The following ANP32E variants were observed in gnomAD, a reference collection of about 807,000 sequenced individuals.
The protein encoded by ANP32E is acidic nuclear phosphoprotein 32 family member E, also known as acidic leucine-rich nuclear phosphoprotein 32 family member E.
Under a neutral mutation model 35.3 loss-of-function variants are expected in ANP32E, and 14 were observed. The ratio of observed to expected loss-of-function variants is 0.40; its 90% CI spans 0.26 to 0.62. The LOEUF is 0.62. ANP32E is among the 20% of genes least tolerant of loss of function. ANP32E has a pLI of 0.45. For synonymous variants in ANP32E, 89 were observed against 110.4 expected (o/e 0.81, Z 1.22); for missense variants, 198 against 304.4 (o/e 0.65, Z 2.60).
chr1:150,234,535 T>G, intron 1 of ANP32E: 5 of 959,962 alleles, frequency 5.2e-6, no homozygotes, highest in Non-Finnish European at 6.2e-6. Context: ...CCCAGTTATA[T>G]CCTTCTATCG....
intron 6 of ANP32E, among the ~76,000 whole-genome samples, chr1:150,221,964 CCTGTA>C (rs1219085397): frequency 6.6e-6 from 1 of 151,762 alleles, no homozygotes; most frequent in African/African-American, 2.4e-5. Flanking sequence ...GTGGTGGGCA[CCTGTA>C]GTCTCAGCTA....
rs1335957586 is a variant in ANP32E, at chr1:150,223,176, T to C, written c.736+10A>G. On this transcript the variant is annotated intron_variant, in intron 6 of 6. Transcript: ENST00000583931. ...AATTTTATAATTTGTTTATGGCTAA[T>C]GTAACTCACCCTCTTCTTCCTCTTC... 10 of 1,504,668 alleles carry C rather than the reference T, an allele frequency of 6.6e-6. No homozygotes were observed. Among genetic ancestry groups the C allele is most frequent in the African/African-American group, 1.4e-5 (1 of 71,400 alleles). 93.2% of individuals were successfully genotyped at this position (1,504,668 alleles called of 1,614,324 possible). A position where few individuals can be genotyped will look rare whatever the true frequency, so the allele number is the denominator to read the frequency against.
intron 5 of ANP32E, among the ~76,000 whole-genome samples, chr1:150,225,391 C>G (rs587646239): frequency 6.6e-6 from 1 of 152,100 alleles, no homozygotes; most frequent in South Asian, 2.1e-4. Flanking sequence ...AAGCAGGGGC[C>G]GGGCACAGTG....
chr1:150,235,961 T>A lies in ANP32E; in HGVS notation c.-175A>T, dbSNP rs1553843259. On this transcript the variant is annotated 5_prime_UTR_variant, in exon 1 of 7. Transcript: ENST00000583931. The surrounding 1 kb of genome is among the most constrained non-coding windows in gnomAD (Gnocchi z 4.2). ...AGAAAGAAGAGAATAGCAAATGGAG[T>A]CCAAGAGTTGGGACTCTAACTCAGC... The A allele has an allele frequency of 1.7e-6, 1 of 602,764 alleles. No individual in the cohort carries two copies. The highest frequency in any genetic ancestry group is 1.9e-5 in the African/African-American group (1 of 53,494). 37.3% of individuals were successfully genotyped at this position (602,764 alleles called of 1,614,324 possible). A position where few individuals can be genotyped will look rare whatever the true frequency, so the allele number is the denominator to read the frequency against.
At position 150,232,467 on chromosome 1, in the gene ANP32E, C is replaced by CTTT. The variant is rs1240658324; in HGVS notation, c.55-544_55-542dup. Among the ~76,000 whole-genome samples, 26 of 141,146 alleles carry CTTT rather than the reference C, an allele frequency of 1.8e-4. 1 individual carries two copies. In the East Asian group the frequency reaches 2.5e-3, roughly 13 times the overall value. The allele number at this position is 141,146 out of a possible 152,430, so 92.6% of individuals were successfully genotyped here. A position where few individuals can be genotyped will look rare whatever the true frequency, so the allele number is the denominator to read the frequency against. ...TCACTATAAGTAATCTTTTAAATTT[C>CTTT]TTTTTTCTTTTTTTTTTTTTGTAGA... On this transcript the variant is annotated intron_variant, in intron 1 of 6. Transcript: ENST00000583931.
chr1:150,231,914 C>T lies in ANP32E; in HGVS notation c.67G>A (p.Val23Ile). 1 of 1,610,936 alleles carries T rather than the reference C, an allele frequency of 6.2e-7. No homozygotes were observed. The highest frequency in any genetic ancestry group is 8.5e-7 in the Non-Finnish European group (1 of 1,179,272). Residue 23 changes from valine (V) to isoleucine (I), a missense_variant, in exon 2 of 7, where the codon GTC becomes ATC. Around this residue, in one of 4 missense-constraint regions of ANP32E, gnomAD observed 35 missense variants for 47.6 expected, o/e 0.74. Transcript: ENST00000583931. ...NRSPEEVTEL[V>I]LDNCLCVNGE... ...TTGACACACAGGCAATTATCAAGGA[C>T]TAACTCTGTCACCTGTAAGAGGGAA...
intron 2 of ANP32E, among the ~76,000 whole-genome samples, chr1:150,231,542 C>T (rs1311979875): frequency 7.2e-5 from 3 of 41,534 alleles, no homozygotes; most frequent in Admixed American, 6.3e-4. Context: ...TGCAATGAGC[C>T]AAGATCTTGC....
At chr1:150,230,423 TA>T in intron 3 of ANP32E, 147 bp downstream of exon 3, 1 of 613,336 alleles carries the variant, frequency 1.6e-6, no homozygotes, top group South Asian at 5.9e-5. Context: ...TATTTTAGTC[TA>T]AAAGAAACAA....
intron 1 of ANP32E, chr1:150,234,671 C>T: frequency 2.0e-6 from 2 of 985,626 alleles, no homozygotes; most frequent in Non-Finnish European, 2.4e-6. Context: ...CCTGCCGCTC[C>T]GACTGACGGG....
intron 3 of ANP32E, among the ~76,000 whole-genome samples, chr1:150,229,476 T>C (rs587715880): frequency 1.3e-5 from 2 of 151,480 alleles, no homozygotes; most frequent in African/African-American, 4.8e-5. Context: ...TTTTGTGTTT[T>C]TGTTTTGTTC....
chr1:150,229,682 TG>T (rs1318558089), intron 3 of ANP32E, among the ~76,000 whole-genome samples: 1 of 152,236 alleles, frequency 6.6e-6, no homozygotes, highest in Non-Finnish European at 1.5e-5. Context: ...TTCTCCACAT[TG>T]GTCAGGCTGG....
chr1:150,226,808 A>AT lies in ANP32E; in HGVS notation c.494-14dup, dbSNP rs782620366. On this transcript the variant is annotated splice_polypyrimidine_tract_variant and intron_variant, in intron 4 of 6. Coordinates refer to ENST00000583931, the MANE Select transcript of ANP32E (RefSeq NM_030920.5). ...TCTTCATCGCCATCTTTAAAAAATCATTTAAAGATGAGTAAATGACTGGGT... is the reference window on the plus strand; with the variant it reads ...TCTTCATCGCCATCTTTAAAAAATCATTTTAAAGATGAGTAAATGACTGGGT... 2.6e-5 allele frequency: 41 copies of AT among 1,595,742 alleles called. No individual in the cohort carries two copies. Among genetic ancestry groups the AT allele is most frequent in the Non-Finnish European group, 3.3e-5 (39 of 1,174,794 alleles).
intron 2 of ANP32E, among the ~76,000 whole-genome samples, chr1:150,231,431 CAA>C (rs1215558862): frequency 1.3e-5 from 2 of 151,906 alleles, no homozygotes; most frequent in Middle Eastern, 3.2e-3. Flanking sequence ...CCTATCTCTG[CAA>C]AAAATACAAA....
In ANP32E at chr1:150,235,939, AAGAAG is replaced by A; in HGVS notation, c.-158_-154del. On this transcript the variant is annotated 5_prime_UTR_variant, in exon 1 of 7. Coordinates refer to ENST00000583931, the MANE Select transcript of ANP32E (RefSeq NM_030920.5). This position sits in a 1 kb window ranked among gnomAD's most constrained non-coding sequence, Gnocchi z 4.2. ...CACCACCAGATAGGTGTGGGGGAGA[AAGAAG>A]AGAATAGCAAATGGAGTCCAAGAGT... The A allele has an allele frequency of 1.6e-6, 1 of 623,964 alleles. No individual in the cohort carries two copies. The allele number at this position is 623,964 out of a possible 1,614,324, so 38.7% of individuals were successfully genotyped here.
Position 150,218,640 on chromosome 1 carries a change from T to G in ANP32E, c.*2051A>C, listed in dbSNP as rs969148260. The G allele has an allele frequency of 2.0e-4, 31 of 152,618 alleles. No individual in the cohort carries two copies. Among genetic ancestry groups the G allele is most frequent in the Non-Finnish European group, 4.1e-4 (28 of 68,036 alleles). 9.5% of individuals were successfully genotyped at this position (152,618 alleles called of 1,614,324 possible). ...GTTTTTAAGGAGATTCTTGAGGAAC[T>G]TAACACAATATATACATACTGCCAT... is the stretch of plus-strand genomic sequence containing the variant. On this transcript the variant is annotated 3_prime_UTR_variant, in exon 7 of 7. Coordinates refer to ENST00000583931, the MANE Select transcript of ANP32E (RefSeq NM_030920.5).
chr1:150,236,063 TACACACACACAC>T lies in ANP32E; in HGVS notation c.-289_-278del. 2.6e-6 allele frequency: 1 copy of T among 380,628 alleles called. No homozygotes were observed. The highest frequency in any genetic ancestry group is 4.8e-6 in the Non-Finnish European group (1 of 206,824). 23.6% of individuals were successfully genotyped at this position (380,628 alleles called of 1,614,324 possible). On this transcript the variant is annotated 5_prime_UTR_variant, in exon 1 of 7. Transcript: ENST00000583931. ...GCGCGCACACACATACACACACACATACACACACACACCCGCAGTTCCTTCCCCTTCAATGGC... is the reference window on the plus strand; with the variant it reads ...GCGCGCACACACATACACACACACATCCGCAGTTCCTTCCCCTTCAATGGC...
intron 6 of ANP32E, among the ~76,000 whole-genome samples, chr1:150,222,681 C>A (rs1478299079): frequency 6.6e-6 from 1 of 151,154 alleles, no homozygotes; most frequent in African/African-American, 2.4e-5. Context: ...TCACCTGAGC[C>A]CAAGGAGATT....
intron 6 of ANP32E, among the ~76,000 whole-genome samples, chr1:150,221,628 A>AGGAAGGAAGGAAGG (rs1572006000): frequency 1.1e-4 from 16 of 150,020 alleles, no homozygotes; most frequent in East Asian, 5.9e-4. Flanking sequence ...GAAGGAAGGA[A>AGGAAGGAAGGAAGG]ATTATACTTC....
At chr1:150,221,045 G>T (rs1038771425) in intron 6 of ANP32E, among the ~76,000 whole-genome samples, 8 of 143,262 alleles carry the variant, frequency 5.6e-5, no homozygotes, top group Admixed American at 1.5e-4. Context: ...AACCTGGAAG[G>T]CAGAGGTTCC....
Sources: allele counts gnomAD v4.1 joint callset (sites outside exome capture counted in the v4.1 genomes callset), GRCh38; gene constraint gnomAD v4.1.1; regional missense constraint gnomAD v4.1.1; non-coding constraint Gnocchi (gnomAD v3.1); transcripts MANE v1.5; gene names NCBI Gene and HGNC (gene_info 2026-07-23, HGNC 2026-07-21).